The following USP42 variants were observed in gnomAD, a reference collection of about 807,000 sequenced individuals.
USP42 encodes the protein ubiquitin carboxyl-terminal hydrolase 42.
Under a neutral mutation model 113.0 loss-of-function variants are expected in USP42, and 23 were observed. That is an observed-to-expected ratio of 0.20 (90% CI 0.15 to 0.29). USP42 has a LOEUF of 0.29. USP42 is among the 10% of genes least tolerant of loss of function. The pLI is 1.00. For missense variants in USP42, 2,174 were observed against 1,779.8 expected, an observed-to-expected ratio of 1.22 and a Z score of -3.99; for synonymous variants, 933 against 699.0, an observed-to-expected ratio of 1.33 and a Z score of -5.28.
Position 6,159,234 on chromosome 7 carries a change from C to T in USP42, c.3944-216C>T, listed in dbSNP as rs1432153835. Among the ~76,000 whole-genome samples the T allele has an allele frequency of 6.6e-6, 1 of 152,102 alleles. No homozygotes were observed. The highest frequency in any genetic ancestry group is 2.4e-5 in the African/African-American group (1 of 41,412). On this transcript the variant is annotated intron_variant, in intron 16 of 17. Coordinates refer to ENST00000306177, the MANE Select transcript of USP42 (RefSeq NM_032172.3). The surrounding 1 kb of genome is among the most constrained non-coding windows in gnomAD (Gnocchi z 4.1). The stretch of plus-strand genomic sequence containing the variant: ...AGGCTGCGTGTGGGTTGGATGGAGC[C>T]CTCAGTCATCACGTAAACCCTTTGA...
chr7:6,088,604 G>C, the USP42 span, among the ~76,000 whole-genome samples: 1 of 151,182 alleles, frequency 6.6e-6, no homozygotes, highest in East Asian at 1.9e-4. Flanking sequence ...CTCCTAGGAG[G>C]CTAACTCATC....
At chr7:6,100,812 G>A (rs752003284), upstream of USP42, among the ~76,000 whole-genome samples, 6 of 149,504 alleles carry the variant, frequency 4.0e-5, no homozygotes, top group Non-Finnish European at 5.9e-5. Context: ...GATTATAGGC[G>A]CGCGCTACCA....
intron 1 of USP42, among the ~76,000 whole-genome samples, 187 bp from the exon 2 acceptor site, chr7:6,110,938 C>T (rs899633118): frequency 2.6e-5 from 4 of 152,276 alleles, no homozygotes; most frequent in Middle Eastern, 3.4e-3. Flanking sequence ...TTCAGATTAT[C>T]ATGATGCTAA....
At chr7:6,155,926 T>C (rs936114719) in intron 15 of USP42, among the ~76,000 whole-genome samples, 1 of 152,148 alleles carries the variant, frequency 6.6e-6, no homozygotes, top group African/African-American at 2.4e-5. Context: ...CCTCAGCTAA[T>C]TTTTTATTTT....
At chr7:6,125,601 T>G (rs1366699586) in intron 3 of USP42, among the ~76,000 whole-genome samples, 4 of 152,238 alleles carry the variant, frequency 2.6e-5, no homozygotes, top group Non-Finnish European at 4.4e-5. Context: ...CGTTGTTGTA[T>G]TATTTTTTTC....
chr7:6,113,492 G>T (rs1779711363), intron 2 of USP42, among the ~76,000 whole-genome samples: 1 of 151,928 alleles, frequency 6.6e-6, no homozygotes. Context: ...CCTTTCTTTT[G>T]TCCTAATTTT....
At chr7:6,092,032 C>CTCCTTCTTTTCTTCTTCTTCTTCTTCTT in the USP42 span, among the ~76,000 whole-genome samples, 1 of 109,960 alleles carries the variant, frequency 9.1e-6, no homozygotes, top group Non-Finnish European at 1.9e-5. Context: ...TCTTCTTCTT[C>CTCCTTCTTTTCTTCTTCTTCTTCTTCTT]TTCTTCTTCT....
At chr7:6,140,274 T>C in intron 6 of USP42, 79 bp downstream of exon 6, 1 of 1,320,358 alleles carries the variant, frequency 7.6e-7, no homozygotes. Flanking sequence ...GGGTTAGTCC[T>C]ACTAGGAAGG....
intron 2 of USP42, among the ~76,000 whole-genome samples, chr7:6,112,462 GA>G (rs896790938): frequency 4.1e-5 from 6 of 145,418 alleles, no homozygotes; most frequent in South Asian, 2.2e-4. Context: ...AAAGAAAAAA[GA>G]AAAAAAAAAG....
chr7:6,149,608 G>A lies in USP42; in HGVS notation c.1412G>A (p.Gly471Glu), dbSNP rs1290502942. 1.9e-6 allele frequency: 3 copies of A among 1,613,756 alleles called. No homozygotes were observed. The African/African-American group carries it at 4.0e-5, about 22-fold the overall frequency. ...IKNPPHLNGT[G>E]PLKDTPSSSM... is the part of the protein sequence containing the mutation. ...AATCCACCTCACTTAAATGGGACTG[G>A]ACCATTGAAAGACACGCCAAGCAGT... The change falls in exon 13 of 18, where the codon GGA becomes GAA. Residue 471 changes from glycine to glutamate, a missense_variant. Gly to Glu is a moderately conservative substitution (Grantham distance 98, BLOSUM62 -2). Transcript: ENST00000306177.
chr7:6,096,069 T>C, the USP42 span, among the ~76,000 whole-genome samples: 2 of 151,118 alleles, frequency 1.3e-5, no homozygotes, highest in Non-Finnish European at 2.9e-5. Context: ...CCTGGATGCA[T>C]GTTTTGGAAT....
At chr7:6,088,854 G>C in the USP42 span, 1 of 150,796 alleles carries the variant, frequency 6.6e-6, no homozygotes, top group Non-Finnish European at 1.5e-5. Context: ...GGGACAATCA[G>C]TGCACCCGCA....
intron 17 of USP42, among the ~76,000 whole-genome samples, chr7:6,160,138 CTT>C (rs1782689906): frequency 6.6e-6 from 1 of 151,868 alleles, no homozygotes; most frequent in African/African-American, 2.4e-5. Flanking sequence ...TGAAAGGAAA[CTT>C]TGTCCAAATG....
intron 3 of USP42, among the ~76,000 whole-genome samples, chr7:6,123,709 G>T (rs564180880): frequency 1.3e-5 from 2 of 151,630 alleles, no homozygotes; most frequent in African/African-American, 4.8e-5. Flanking sequence ...TTAGCTAGGC[G>T]TGGTGGTGTT....
Position 6,143,022 on chromosome 7 carries a change from G to T in USP42, c.878+8G>T, listed in dbSNP as rs766341836. On this transcript the variant is annotated splice_region_variant and intron_variant, in intron 8 of 17. Coordinates refer to ENST00000306177, the MANE Select transcript of USP42 (RefSeq NM_032172.3). ...CTCGTACAAGTGCAGCAAGTACGTT[G>T]GGTGGTGACTTGATTCTTGATGCCG... 6 of 1,613,770 alleles carry T rather than the reference G, an allele frequency of 3.7e-6. No homozygotes were observed. Among genetic ancestry groups the T allele is most frequent in the Non-Finnish European group, 5.1e-6 (6 of 1,179,792 alleles).
chr7:6,092,839 C>G, the USP42 span, among the ~76,000 whole-genome samples: 1 of 151,250 alleles, frequency 6.6e-6, no homozygotes, highest in Non-Finnish European at 1.5e-5. Flanking sequence ...TCCTTGAACA[C>G]TTTCACACTT....
In USP42 at chr7:6,154,059, A is replaced by G. The variant is rs1246171081; in HGVS notation, c.2505A>G (p.Ala835=). 8 of 1,606,132 alleles carry G rather than the reference A, an allele frequency of 5.0e-6. No individual in the cohort carries two copies. Among genetic ancestry groups the G allele is most frequent in the Middle Eastern group, 1.7e-4 (1 of 6,060 alleles). ...TGDASPLSQD[A]KGMIAEGPRD... is the part of the protein sequence containing the mutation. ...ATGCGAGCCCGTTGTCCCAGGACGC[A>G]AAGGGGATGATCGCGGAGGGCCCGC... The change falls in exon 15 of 18, where the codon GCA becomes GCG. Residue 835 remains alanine (A), a synonymous_variant. Coordinates refer to ENST00000306177, the MANE Select transcript of USP42 (RefSeq NM_032172.3).
chr7:6,106,197 T>C (rs1779266342), intron 1 of USP42, among the ~76,000 whole-genome samples: 1 of 152,240 alleles, frequency 6.6e-6, no homozygotes, highest in South Asian at 2.1e-4. Flanking sequence ...TTATAAAGTT[T>C]AAGGCCAGTC....
chr7:6,155,278 C>T, intron 15 of USP42, 83 bp downstream of exon 15: 1 of 1,441,362 alleles, frequency 6.9e-7, no homozygotes, highest in Non-Finnish European at 9.1e-7. Flanking sequence ...GACTCAGGAA[C>T]AAGTGACCAG....
Sources: allele counts gnomAD v4.1 joint callset (sites outside exome capture counted in the v4.1 genomes callset), GRCh38; gene constraint gnomAD v4.1.1; non-coding constraint Gnocchi (gnomAD v3.1); transcripts MANE v1.5; gene names NCBI Gene and HGNC (gene_info 2026-07-23, HGNC 2026-07-21).